KMT2A: variants seen among roughly 807,000 people sequenced by gnomAD.
KMT2A encodes histone-lysine N-methyltransferase 2A.
Under a neutral mutation model 345.3 loss-of-function variants are expected in KMT2A, and 16 were observed. The observed-to-expected ratio is 0.05, with a 90% CI of 0.03 to 0.07. The LOEUF (loss-of-function observed/expected upper bound fraction) is 0.07. KMT2A is among the 10% of genes least tolerant of loss of function. The pLI, the probability that KMT2A is intolerant of heterozygous loss-of-function variation, is 1.00. For synonymous variants in KMT2A, 1,599 were observed against 1,778.6 expected (o/e 0.90, Z 2.54); for missense variants, 3,272 against 4,841.6 (o/e 0.68, Z 9.62).
chr11:118,459,251 A>G (rs1479434858), intron 1 of KMT2A, among the ~76,000 whole-genome samples: 1 of 152,136 alleles, frequency 6.6e-6, no homozygotes, highest in Non-Finnish European at 1.5e-5. Flanking sequence ...TATTTTTGGT[A>G]GAGACAGGGT....
intron 1 of KMT2A, among the ~76,000 whole-genome samples, chr11:118,456,612 A>C (rs1165877249): frequency 6.6e-6 from 1 of 152,224 alleles, no homozygotes; most frequent in Non-Finnish European, 1.5e-5. Context: ...TGCTAGGATT[A>C]CAGGCATGAG....
intron 1 of KMT2A, among the ~76,000 whole-genome samples, chr11:118,460,943 TTG>T (rs1949733500): frequency 6.6e-6 from 1 of 152,270 alleles, no homozygotes; most frequent in Non-Finnish European, 1.5e-5. Context: ...TTACTCAATG[TTG>T]TATCTGGAAC....
intron 1 of KMT2A, among the ~76,000 whole-genome samples, chr11:118,468,050 AGCTT>A (rs1949878579): frequency 6.6e-6 from 1 of 152,134 alleles, no homozygotes; most frequent in Non-Finnish European, 1.5e-5. Context: ...GGTAAGCAGA[AGCTT>A]TTGCTTTTTG....
chr11:118,519,077 C>CAAAAAAA (rs11443977), intron 31 of KMT2A, among the ~76,000 whole-genome samples: 33 of 66,346 alleles, frequency 5.0e-4, no homozygotes, highest in Admixed American at 9.4e-4. Flanking sequence ...GACTCCATCT[C>CAAAAAAA]AAAAAAAAAA....
rs113051825 is a variant in KMT2A, at chr11:118,509,342, G to GGA, written c.10900+143_10900+144dup. 1,302 of 646,976 alleles carry GGA rather than the reference G, an allele frequency of 2.0e-3. 9 individuals carry two copies. In the African/African-American group the frequency reaches 0.021, roughly 10 times the overall value. The allele number at this position is 646,976 out of a possible 1,614,324, so 40.1% of individuals were successfully genotyped here. ...GAAGTTAAGTGATTTGGCCCACATT[G>GGA]GACTGAAACTTGGCGCACCTGTCTC... On this transcript the variant is annotated intron_variant, in intron 29 of 35. Transcript: ENST00000534358.
Position 118,507,617 on chromosome 11 carries a change from G to C in KMT2A, c.10835+8G>C. 6.2e-7 allele frequency: 1 copy of C among 1,609,720 alleles called. No individual in the cohort carries two copies. The highest frequency in any genetic ancestry group is 1.3e-5 in the African/African-American group (1 of 74,970). ...GTGTGGGCAACCTGCAGGGTAAGCT[G>C]AAGAATTCGTCTTTTAAGACTAAGC... On this transcript the variant is annotated splice_region_variant and intron_variant, in intron 28 of 35. Transcript: ENST00000534358.
Position 118,523,368 on chromosome 11 carries a change from G to A in KMT2A, c.*1196G>A. On this transcript the variant is annotated 3_prime_UTR_variant, in exon 36 of 36. Transcript: ENST00000534358. ...GGGACTAGACCACCTTATGTTGAGGGAACTCTGCCACCTGCGTGCAACCCA... is the reference window on the plus strand; with the variant it reads ...GGGACTAGACCACCTTATGTTGAGGAAACTCTGCCACCTGCGTGCAACCCA... 4.4e-6 allele frequency: 1 copy of A among 229,498 alleles called. No individual in the cohort carries two copies. The highest frequency in any genetic ancestry group is 8.7e-6 in the Non-Finnish European group (1 of 115,604). The allele number at this position is 229,498 out of a possible 1,614,324, so 14.2% of individuals were successfully genotyped here.
At chr11:118,464,886 A>C (rs1214377347) in intron 1 of KMT2A, among the ~76,000 whole-genome samples, 1 of 152,246 alleles carries the variant, frequency 6.6e-6, no homozygotes, top group Non-Finnish European at 1.5e-5. Flanking sequence ...CCAAAGAATG[A>C]TAGCATCAGC....
chr11:118,517,657 C>T (rs1177604819), intron 31 of KMT2A, among the ~76,000 whole-genome samples: 1 of 151,812 alleles, frequency 6.6e-6, no homozygotes, highest in Non-Finnish European at 1.5e-5. Flanking sequence ...CTGGGCAACA[C>T]AGTAAGACCC....
intron 1 of KMT2A, chr11:118,447,760 T>C: frequency 3.1e-6 from 1 of 325,814 alleles, no homozygotes; most frequent in Non-Finnish European, 6.2e-6. Flanking sequence ...TTAATAACTC[T>C]TCAAAAAACA....
intron 1 of KMT2A, among the ~76,000 whole-genome samples, chr11:118,466,755 C>T (rs186178493): frequency 8.5e-4 from 129 of 151,810 alleles, no homozygotes; most frequent in African/African-American, 3.0e-3. Context: ...GCTGAGGTGG[C>T]GCCATTGTAC....
At position 118,498,244 on chromosome 11, in the gene KMT2A, T is replaced by C; in HGVS notation, c.5803-126T>C. 1.7e-6 allele frequency: 2 copies of C among 1,210,102 alleles called. No individual in the cohort carries two copies. The highest frequency in any genetic ancestry group is 3.0e-5 in the South Asian group (2 of 67,260). The allele number at this position is 1,210,102 out of a possible 1,614,324, so 75.0% of individuals were successfully genotyped here. ...GATAAAATGATAAATTTTATCTGTT[T>C]TCAATTTATCAATAGATAAAATGAA... On this transcript the variant is annotated intron_variant, in intron 21 of 35. Coordinates refer to ENST00000534358, the MANE Select transcript of KMT2A (RefSeq NM_001197104.2). The surrounding 1 kb of genome is among the most constrained non-coding windows in gnomAD (Gnocchi z 4.4).
chr11:118,506,358 C>T lies in KMT2A; in HGVS notation c.10466C>T (p.Thr3489Met), dbSNP rs376937581. Residue 3489 changes from threonine to methionine, a missense_variant, in exon 27 of 36, where the codon ACG (threonine) becomes ATG (methionine). This residue lies in a region of KMT2A where 748 missense variants were observed against 922.2 expected (regional missense o/e 0.81). Transcript: ENST00000534358. The part of the protein sequence containing the change: ...SGPQVSNFTQ[T>M]VDAPNSMGLE... ...CCCCAGGTATCCAACTTTACCCAGACGGTAGACGCTCCTAATAGCATGGGA... is the reference window on the plus strand; with the variant it reads ...CCCCAGGTATCCAACTTTACCCAGATGGTAGACGCTCCTAATAGCATGGGA... The T allele has an allele frequency of 1.2e-5, 19 of 1,614,032 alleles. No homozygotes were observed. The highest frequency in any genetic ancestry group is 2.2e-5 in the South Asian group (2 of 91,088).
chr11:118,452,535 A>C (rs1949560026), intron 1 of KMT2A, among the ~76,000 whole-genome samples: 1 of 152,078 alleles, frequency 6.6e-6, no homozygotes, highest in African/African-American at 2.4e-5. Context: ...CTGTCTCAAA[A>C]AACAAAACTT....
chr11:118,484,623 G>T lies in KMT2A; in HGVS notation c.4219-239G>T, dbSNP rs1392345655. 2.0e-5 allele frequency among the ~76,000 whole-genome samples: 3 copies of T among 152,216 alleles called. No homozygotes were observed. The highest frequency in any genetic ancestry group is 7.2e-5 in the African/African-American group (3 of 41,468). ...TCCTTGAGTCAGCAAAACTGTAAGAGAAATTCAATCCCAGTGTATTTTCGC... is the reference window on the plus strand; with the variant it reads ...TCCTTGAGTCAGCAAAACTGTAAGATAAATTCAATCCCAGTGTATTTTCGC... On this transcript the variant is annotated intron_variant, in intron 9 of 35. Transcript: ENST00000534358. This position sits in a 1 kb window ranked among gnomAD's most constrained non-coding sequence, Gnocchi z 4.1.
chr11:118,487,223 A>T (rs1950245919), intron 10 of KMT2A, among the ~76,000 whole-genome samples: 1 of 152,160 alleles, frequency 6.6e-6, no homozygotes, highest in South Asian at 2.1e-4. Context: ...CACCCACAGG[A>T]ATAACTTTTT....
At position 118,484,369 on chromosome 11, in the gene KMT2A, G is replaced by A; in HGVS notation, c.4218+55G>A. 6.4e-7 allele frequency: 1 copy of A among 1,574,634 alleles called. No homozygotes were observed. Among genetic ancestry groups the A allele is most frequent in the Non-Finnish European group, 8.7e-7 (1 of 1,151,764 alleles). On this transcript the variant is annotated intron_variant, in intron 9 of 35. Coordinates refer to ENST00000534358, the MANE Select transcript of KMT2A (RefSeq NM_001197104.2). This position sits in a 1 kb window ranked among gnomAD's most constrained non-coding sequence, Gnocchi z 4.1. The stretch of plus-strand genomic sequence containing the variant: ...TTGAGTGTCAAAGACTTTAAATAAA[G>A]AAAATGCTACTACCAAAGGTGTTGA...
chr11:118,496,266 G>A lies in KMT2A; in HGVS notation c.5563G>A (p.Asp1855Asn). Residue 1855 changes from aspartate (D) to asparagine (N), a missense_variant, in exon 20 of 36, where the codon GAT (aspartate) becomes AAT (asparagine). Physicochemically the swap from Asp to Asn is conservative, Grantham distance 23. This residue lies in a region of KMT2A where 235 missense variants were observed against 503.4 expected (regional missense o/e 0.47). Transcript: ENST00000534358. The surrounding 1 kb of genome is among the most constrained non-coding windows in gnomAD (Gnocchi z 4.7). ...GGAGTCTTTTGGATTTCAAGGTACT[G>A]ATAGGAGTCGAGAAGACAGTCCAGA... Reference protein sequence around the residue: ...HPPTPPILSTDRSREDSPELN... With the variant: ...HPPTPPILSTNRSREDSPELN... 1 of 1,611,650 alleles carries A rather than the reference G, an allele frequency of 6.2e-7. No homozygotes were observed. Among genetic ancestry groups the A allele is most frequent in the Non-Finnish European group, 8.5e-7 (1 of 1,177,778 alleles).
chr11:118,517,251 C>A (rs1950835622), intron 31 of KMT2A, among the ~76,000 whole-genome samples: 1 of 151,844 alleles, frequency 6.6e-6, no homozygotes, highest in African/African-American at 2.4e-5. Flanking sequence ...AAAAAATTAG[C>A]CAGGCGTGGT....
Sources: gnomAD v4.1 joint callset for allele counts (sites outside exome capture counted in the v4.1 genomes callset) on GRCh38, gnomAD v4.1.1 for gene constraint, gnomAD v4.1.1 regional missense constraint, Gnocchi (gnomAD v3.1) non-coding constraint, MANE v1.5 for transcripts, NCBI Gene and HGNC (gene_info 2026-07-23, HGNC 2026-07-21) for gene names.